OSBPL1A: variants seen among roughly 807,000 people sequenced by gnomAD.
OSBPL1A encodes oxysterol binding protein like 1A.
Under a neutral mutation model 137.1 loss-of-function variants are expected in OSBPL1A, and 80 were observed. That is an observed-to-expected ratio of 0.58 (90% CI 0.49 to 0.70). The LOEUF (loss-of-function observed/expected upper bound fraction) is 0.70, where lower values mean the gene tolerates loss of function less well. Ranked by LOEUF, OSBPL1A falls within the 30% of genes least tolerant of loss-of-function variation. OSBPL1A has a pLI of 0.00. For missense variants in OSBPL1A, 970 were observed against 1,129.4 expected, an observed-to-expected ratio of 0.86 and a Z score of 2.02; for synonymous variants, 365 against 389.7, an observed-to-expected ratio of 0.94 and a Z score of 0.75.
intron 11 of OSBPL1A, 82 bp downstream of exon 11, chr18:24,317,067 A>T: frequency 7.3e-7 from 1 of 1,379,226 alleles, no homozygotes; most frequent in South Asian, 1.2e-5. Flanking sequence ...AGATTTTACA[A>T]GGCTGTATAA....
At chr18:24,334,083 G>T (rs746211397) in intron 6 of OSBPL1A, among the ~76,000 whole-genome samples, 162 bp downstream of exon 6, 11 of 152,230 alleles carry the variant, frequency 7.2e-5, no homozygotes, top group Non-Finnish European at 8.8e-5. Context: ...TCACCATGCT[G>T]AGTGTTTTTA....
chr18:24,304,330 C>CA (rs564133412), intron 13 of OSBPL1A, among the ~76,000 whole-genome samples: 4 of 151,872 alleles, frequency 2.6e-5, no homozygotes, highest in Non-Finnish European at 5.9e-5. Context: ...TCCCTAAAGG[C>CA]AAAAAAACAT....
rs191971213 is a variant in OSBPL1A at position 24,385,244 on chromosome 18, G to A, written c.-2-7709C>T. On this transcript the variant is annotated intron_variant, in intron 1 of 27. Coordinates refer to ENST00000319481, the MANE Select transcript of OSBPL1A (RefSeq NM_080597.4). ...GCTGGGATTACAGGCATGAGCCACC[G>A]CACCCGGCCTGTAGGTTAGAATTTA... Among the ~76,000 whole-genome samples, 337 of 152,142 alleles carry A rather than the reference G, an allele frequency of 2.2e-3. 2 individuals carry two copies. The highest frequency in any genetic ancestry group is 9.1e-3 in the East Asian group (47 of 5,148).
At chr18:24,397,122 A>G (rs558827512) in intron 1 of OSBPL1A, among the ~76,000 whole-genome samples, 6 of 152,216 alleles carry the variant, frequency 3.9e-5, no homozygotes, top group Non-Finnish European at 5.9e-5. Context: ...GCAGCGGGAT[A>G]AGTGAATTGT....
chr18:24,368,416 T>C, intron 2 of OSBPL1A, 44 bp from the exon 3 acceptor site: 1 of 1,430,960 alleles, frequency 7.0e-7, no homozygotes. Context: ...CATATTTAGG[T>C]AATTTTACAA....
chr18:24,180,481 G>GTGTGTGTGTGTGTGTA (rs67402123), intron 19 of OSBPL1A, among the ~76,000 whole-genome samples: 2 of 150,012 alleles, frequency 1.3e-5, no homozygotes, highest in African/African-American at 2.5e-5. Context: ...GTGTGTGTGT[G>GTGTGTGTGTGTGTGTA]TGTATGTGTT....
chr18:24,308,204 C>T (rs1476900174), intron 13 of OSBPL1A, among the ~76,000 whole-genome samples: 2 of 151,148 alleles, frequency 1.3e-5, no homozygotes, highest in Admixed American at 6.6e-5. Flanking sequence ...CAACCTCCAC[C>T]TCCTGGGCTC....
intron 15 of OSBPL1A, among the ~76,000 whole-genome samples, chr18:24,265,776 T>G (rs1357142210): frequency 3.3e-5 from 5 of 152,294 alleles, no homozygotes; most frequent in Middle Eastern, 6.8e-3. Flanking sequence ...GTCTGCAGCC[T>G]GGGTGGGTAT....
At chr18:24,183,683 G>A (rs1337273794) in intron 18 of OSBPL1A, among the ~76,000 whole-genome samples, 2 of 151,990 alleles carry the variant, frequency 1.3e-5, no homozygotes, top group East Asian at 1.9e-4. Flanking sequence ...TGATCCACCC[G>A]CCTCAGCCTC....
rs79329030 is a variant in OSBPL1A at position 24,393,206 on chromosome 18, T to C, written c.-3+4449A>G. ...CATGTGTATACATTATGCACACATGTGCATAGATACACATATTATGTATAC... is the reference window on the plus strand; with the variant it reads ...CATGTGTATACATTATGCACACATGCGCATAGATACACATATTATGTATAC... On this transcript the variant is annotated intron_variant, in intron 1 of 27. Transcript: ENST00000319481. Among the ~76,000 whole-genome samples, 237 of 152,384 alleles carry C rather than the reference T, an allele frequency of 1.6e-3. 4 individuals are homozygous for C. In the East Asian group the frequency reaches 0.025, roughly 16 times the overall value.
chr18:24,228,472 A>C (rs1218978077), intron 16 of OSBPL1A, among the ~76,000 whole-genome samples: 1 of 152,120 alleles, frequency 6.6e-6, no homozygotes, highest in Non-Finnish European at 1.5e-5. Flanking sequence ...ACCACATCTG[A>C]TGCTGCTGAA....
Position 24,239,116 on chromosome 18 carries a change from C to G in OSBPL1A, c.1444+104G>C, listed in dbSNP as rs999221826. ...CGCTATCTGTTTATTCCAGGAAACT[C>G]TAGGTGACCTCTGCTCTAAGGTGGT... On this transcript the variant is annotated intron_variant, in intron 16 of 27. Transcript: ENST00000319481. The G allele has an allele frequency of 2.2e-6, 3 of 1,379,220 alleles. No homozygotes were observed. The African/African-American group carries it at 4.4e-5, about 20-fold the overall frequency. The allele number at this position is 1,379,220 out of a possible 1,614,324, so 85.4% of individuals were successfully genotyped here.
At chr18:24,357,097 T>C (rs2091549877) in intron 4 of OSBPL1A, 1 of 152,220 alleles carries the variant, frequency 6.6e-6, no homozygotes, top group Non-Finnish European at 1.5e-5. Context: ...AATAACATTG[T>C]CAATCAAGAA....
At chr18:24,318,725 A>G in intron 8 of OSBPL1A, 23 bp downstream of exon 8, 2 of 1,600,558 alleles carry the variant, frequency 1.2e-6, no homozygotes, top group Non-Finnish European at 1.7e-6. Context: ...ATTATTAGAT[A>G]AATTTAATTC....
chr18:24,328,603 G>C (rs1014878923), intron 7 of OSBPL1A, among the ~76,000 whole-genome samples: 3 of 152,118 alleles, frequency 2.0e-5, no homozygotes, highest in African/African-American at 7.2e-5. Flanking sequence ...AGAAAGACAA[G>C]AGCACTTCTG....
intron 18 of OSBPL1A, among the ~76,000 whole-genome samples, chr18:24,192,723 G>A (rs2086921343): frequency 1.3e-5 from 2 of 152,176 alleles, no homozygotes; most frequent in Admixed American, 6.5e-5. Context: ...ACAAATGCAT[G>A]GAGAAGAACC....
chr18:24,273,990 T>C (rs2089785322), intron 15 of OSBPL1A, among the ~76,000 whole-genome samples: 1 of 152,032 alleles, frequency 6.6e-6, no homozygotes, highest in East Asian at 1.9e-4. Flanking sequence ...TCCCAGCACA[T>C]TGAGAGGCCG....
intron 1 of OSBPL1A, among the ~76,000 whole-genome samples, chr18:24,384,400 C>G (rs1258237791): frequency 2.0e-5 from 3 of 152,112 alleles, no homozygotes; most frequent in Admixed American, 2.0e-4. Context: ...ATGGGGAAAC[C>G]CTGTCTCTAC....
chr18:24,363,081 C>T (rs1283378948), intron 4 of OSBPL1A, among the ~76,000 whole-genome samples: 4 of 152,204 alleles, frequency 2.6e-5, no homozygotes, highest in Admixed American at 6.5e-5. Flanking sequence ...CAGCAGAAAA[C>T]AAATGAGAAC....
Sources: allele counts gnomAD v4.1 joint callset (sites outside exome capture counted in the v4.1 genomes callset), GRCh38; gene constraint gnomAD v4.1.1; transcripts MANE v1.5; gene names NCBI Gene and HGNC (gene_info 2026-07-23, HGNC 2026-07-21).